The following ITIH5 variants were observed in gnomAD, a reference collection of about 807,000 sequenced individuals.
ITIH5 encodes the protein inter-alpha-trypsin inhibitor heavy chain H5.
ITIH5 carries 65 observed loss-of-function variants against 77.5 expected under a neutral mutation model. That is an observed-to-expected ratio of 0.84 (90% CI 0.69 to 1.03). ITIH5 has a LOEUF of 1.03. ITIH5 is among the 50% of genes least tolerant of loss of function. The pLI, the probability that ITIH5 is intolerant of heterozygous loss-of-function variation, is 0.00. For missense variants in ITIH5, 1,208 were observed against 1,213.1 expected, an observed-to-expected ratio of 1.00 and a Z score of 0.06; for synonymous variants, 525 against 494.3, an observed-to-expected ratio of 1.06 and a Z score of -0.82.
chr10:7,650,413 C>T (rs2131098995), intron 2 of ITIH5, among the ~76,000 whole-genome samples: 1 of 152,156 alleles, frequency 6.6e-6, no homozygotes, highest in East Asian at 1.9e-4. Flanking sequence ...CAAATCTCTA[C>T]TAACCCTTAA....
chr10:7,665,671 T>C (rs1743146698), intron 1 of ITIH5, among the ~76,000 whole-genome samples: 1 of 152,196 alleles, frequency 6.6e-6, no homozygotes, highest in African/African-American at 2.4e-5. Flanking sequence ...CCTTGCAAGT[T>C]TGCTCAAAAA....
At chr10:7,589,852 T>A (rs1217984845) in intron 7 of ITIH5, among the ~76,000 whole-genome samples, 1 of 151,896 alleles carries the variant, frequency 6.6e-6, no homozygotes, top group Non-Finnish European at 1.5e-5. Context: ...TCCTTGAAAC[T>A]CCTCCTGCTC....
chr10:7,592,845 G>GGCTGGGAT (rs1832821092), intron 7 of ITIH5, among the ~76,000 whole-genome samples: 1 of 152,152 alleles, frequency 6.6e-6, no homozygotes, highest in Admixed American at 6.5e-5. Context: ...TGAAGGTGCC[G>GGCTGGGAT]GCTGGGATGG....
chr10:7,583,645 T>C (rs1832613793), intron 8 of ITIH5, among the ~76,000 whole-genome samples: 1 of 152,230 alleles, frequency 6.6e-6, no homozygotes, highest in Non-Finnish European at 1.5e-5. Flanking sequence ...AATTTGCCTT[T>C]CTTAAGGTCC....
At chr10:7,628,804 T>G (rs1833638952) in intron 5 of ITIH5, among the ~76,000 whole-genome samples, 1 of 143,478 alleles carries the variant, frequency 7.0e-6, no homozygotes, top group Non-Finnish European at 1.6e-5. Flanking sequence ...TGTATCTGTG[T>G]TTTTGCATGT....
chr10:7,603,646 C>T (rs938516711), intron 7 of ITIH5, among the ~76,000 whole-genome samples: 2 of 152,120 alleles, frequency 1.3e-5, no homozygotes, highest in African/African-American at 4.8e-5. Flanking sequence ...TGCAGTGGCG[C>T]GATCTTGGCT....
chr10:7,647,527 T>C (rs916829075), intron 2 of ITIH5, among the ~76,000 whole-genome samples: 1 of 152,162 alleles, frequency 6.6e-6, no homozygotes, highest in Non-Finnish European at 1.5e-5. Context: ...GATAAAATCG[T>C]TGTTGCTCTA....
In ITIH5 at chr10:7,562,903, G is replaced by GCCCCTACCCA; in HGVS notation, c.*170_*179dup. 4.7e-6 allele frequency: 2 copies of GCCCCTACCCA among 423,666 alleles called. No homozygotes were observed. The highest frequency in any genetic ancestry group is 1.8e-5 in the South Asian group (1 of 54,586). 26.2% of individuals were successfully genotyped at this position (423,666 alleles called of 1,614,324 possible). A position where few individuals can be genotyped will look rare whatever the true frequency, so the allele number is the denominator to read the frequency against. On this transcript the variant is annotated 3_prime_UTR_variant, in exon 14 of 14. Coordinates refer to ENST00000397146, the MANE Select transcript of ITIH5 (RefSeq NM_030569.7). ...AATGACATTTGCACTCAGGCTTCCC[G>GCCCCTACCCA]CCCCTACCCACCCCTACCCTTCGCC...
chr10:7,565,642 CTG>C (rs1047516238), intron 13 of ITIH5, among the ~76,000 whole-genome samples: 15 of 148,152 alleles, frequency 1.0e-4, no homozygotes, highest in African/African-American at 3.7e-4. Context: ...TATGTATAGA[CTG>C]TATATATATA....
chr10:7,644,956 C>T (rs7085431), intron 2 of ITIH5, among the ~76,000 whole-genome samples: 3,275 of 36,712 alleles, frequency 0.089, 352 homozygotes, highest in African/African-American at 0.18. Flanking sequence ...ATATATCACA[C>T]ATATATATAT....
At chr10:7,567,319 T>TTTATTAGTA (rs1832206632) in intron 12 of ITIH5, among the ~76,000 whole-genome samples, 1 of 139,498 alleles carries the variant, frequency 7.2e-6, no homozygotes, top group East Asian at 2.1e-4. Context: ...TCGGACATCT[T>TTTATTAGTA]TTATTATTAT....
chr10:7,596,661 C>T (rs974804156), intron 7 of ITIH5, among the ~76,000 whole-genome samples: 1 of 152,120 alleles, frequency 6.6e-6, no homozygotes, highest in Non-Finnish European at 1.5e-5. Context: ...AAAATGTTCA[C>T]CAGGGAGTTG....
At chr10:7,588,362 T>C (rs1283228578) in intron 7 of ITIH5, among the ~76,000 whole-genome samples, 9 of 152,076 alleles carry the variant, frequency 5.9e-5, no homozygotes, top group Non-Finnish European at 8.8e-5. Context: ...CTACTAATAA[T>C]ACAAAAAATT....
At chr10:7,581,242 AGAGT>A (rs753195469) in intron 8 of ITIH5, among the ~76,000 whole-genome samples, 1 of 152,154 alleles carries the variant, frequency 6.6e-6, no homozygotes, top group Non-Finnish European at 1.5e-5. Context: ...CCTGGGAAAC[AGAGT>A]GAGACGCGGT....
chr10:7,628,569 T>C (rs1833626638), intron 5 of ITIH5, among the ~76,000 whole-genome samples: 1 of 152,268 alleles, frequency 6.6e-6, no homozygotes, highest in South Asian at 2.1e-4. Context: ...TGTTGTGACA[T>C]GTGTCCATGC....
At chr10:7,651,692 G>A (rs1564281435) in intron 2 of ITIH5, among the ~76,000 whole-genome samples, 1 of 151,882 alleles carries the variant, frequency 6.6e-6, no homozygotes, top group Non-Finnish European at 1.5e-5. Flanking sequence ...ATCTCCCCAG[G>A]ACCAGGTACC....
rs113088088 is a variant in ITIH5, at chr10:7,562,999, C to T, written c.*84G>A. 2,235 of 1,193,568 alleles carry T rather than the reference C, an allele frequency of 1.9e-3. 12 individuals are homozygous for T. Among genetic ancestry groups the T allele is most frequent in the Non-Finnish European group, 1.9e-3 (1,525 of 807,922 alleles). The allele number at this position is 1,193,568 out of a possible 1,614,324, so 73.9% of individuals were successfully genotyped here. A position where few individuals can be genotyped will look rare whatever the true frequency, so the allele number is the denominator to read the frequency against. On this transcript the variant is annotated 3_prime_UTR_variant, in exon 14 of 14. Transcript: ENST00000397146. ...TCCAGCTAATTGCCAGGAGCTGAGG[C>T]GTGTACAAGCCATGAAAAGAGCTGC...
At chr10:7,644,194 T>A (rs778021344) in intron 2 of ITIH5, among the ~76,000 whole-genome samples, 1 of 151,744 alleles carries the variant, frequency 6.6e-6, no homozygotes, top group Non-Finnish European at 1.5e-5. Flanking sequence ...GCCAAGATTG[T>A]GCCACTGCAC....
chr10:7,582,779 A>G (rs1832592091), intron 8 of ITIH5, among the ~76,000 whole-genome samples: 1 of 152,210 alleles, frequency 6.6e-6, no homozygotes, highest in Non-Finnish European at 1.5e-5. Context: ...TGTGGCAGCT[A>G]AAAATTAAAA....
Sources: gnomAD v4.1 joint callset for allele counts (sites outside exome capture counted in the v4.1 genomes callset) on GRCh38, gnomAD v4.1.1 for gene constraint, MANE v1.5 for transcripts, NCBI Gene and HGNC (gene_info 2026-07-23, HGNC 2026-07-21) for gene names.